RALGPS2: variants seen among roughly 807,000 people sequenced by gnomAD.
The protein encoded by RALGPS2 is Ral GEF with PH domain and SH3 binding motif 2, also known as ras-specific guanine nucleotide-releasing factor RalGPS2.
Under a neutral mutation model 86.8 loss-of-function variants are expected in RALGPS2, and 43 were observed. The observed-to-expected ratio is 0.50, with a 90% CI of 0.39 to 0.64. The LOEUF is 0.64. Ranked by LOEUF, RALGPS2 falls within the 30% of genes least tolerant of loss-of-function variation. RALGPS2 has a pLI of 0.00. For missense variants in RALGPS2, 536 were observed against 694.6 expected (o/e 0.77, Z 2.57); for synonymous variants, 243 against 231.3 (o/e 1.05, Z -0.46).
At chr1:178,896,466 T>TA (rs1659941706) in intron 16 of RALGPS2, among the ~76,000 whole-genome samples, 1 of 147,132 alleles carries the variant, frequency 6.8e-6, no homozygotes, top group African/African-American at 2.7e-5. Context: ...ATTTTTTTTT[T>TA]CTTTTTTTTT....
intron 1 of RALGPS2, chr1:178,747,435 C>CT (rs1196178914): frequency 3.2e-6 from 5 of 1,582,156 alleles, no homozygotes; most frequent in Non-Finnish European, 4.3e-6. Flanking sequence ...AATCCTGTTT[C>CT]TTTAAACAGC....
At chr1:178,837,546 G>A (rs995768328) in intron 8 of RALGPS2, among the ~76,000 whole-genome samples, 3 of 152,288 alleles carry the variant, frequency 2.0e-5, no homozygotes, top group Middle Eastern at 3.4e-3. Context: ...ACAAAAGGCA[G>A]CGGGGAGGGT....
intron 16 of RALGPS2, among the ~76,000 whole-genome samples, chr1:178,896,179 A>G (rs545778702): frequency 2.6e-4 from 40 of 152,194 alleles, no homozygotes; most frequent in Non-Finnish European, 1.9e-4. Context: ...TGCTAAAATT[A>G]CAATCATCAG....
intron 1 of RALGPS2, among the ~76,000 whole-genome samples, chr1:178,748,525 G>A (rs1299953151): frequency 6.6e-6 from 1 of 152,078 alleles, no homozygotes; most frequent in Non-Finnish European, 1.5e-5. Context: ...CAACAACAGG[G>A]ATGAGGTCTC....
intron 4 of RALGPS2, among the ~76,000 whole-genome samples, chr1:178,787,136 A>T (rs943632749): frequency 6.6e-6 from 1 of 151,770 alleles, no homozygotes; most frequent in Non-Finnish European, 1.5e-5. Context: ...AGAAATACTT[A>T]TTTCTTCTCC....
intron 17 of RALGPS2, among the ~76,000 whole-genome samples, chr1:178,898,016 A>G (rs1660020858): frequency 6.6e-6 from 1 of 152,028 alleles, no homozygotes; most frequent in Non-Finnish European, 1.5e-5. Context: ...GTTCAAAACT[A>G]TTGCCTTGGA....
At chr1:178,731,592 A>G (rs551660026) in intron 1 of RALGPS2, among the ~76,000 whole-genome samples, 180 of 152,096 alleles carry the variant, frequency 1.2e-3, no homozygotes, top group Non-Finnish European at 2.1e-3. Context: ...CTGATTTTCT[A>G]GTTTGAAGTG....
At position 178,919,805 on chromosome 1, in the gene RALGPS2, A is replaced by G. The variant is rs1182802765; in HGVS notation, c.*3446A>G. On this transcript the variant is annotated 3_prime_UTR_variant, in exon 20 of 20. Coordinates refer to ENST00000367635, the MANE Select transcript of RALGPS2 (RefSeq NM_152663.5). ...CTTTACAACCAGTGTTTAAACCACCACGTAATCATCTTCTGCAAACAAGGG... is the reference window on the plus strand; with the variant it reads ...CTTTACAACCAGTGTTTAAACCACCGCGTAATCATCTTCTGCAAACAAGGG... 4 of 152,074 alleles carry G rather than the reference A, an allele frequency of 2.6e-5. No homozygotes were observed. The highest frequency in any genetic ancestry group is 4.4e-5 in the Non-Finnish European group (3 of 67,918). The allele number at this position is 152,074 out of a possible 1,614,324, so 9.4% of individuals were successfully genotyped here.
intron 6 of RALGPS2, among the ~76,000 whole-genome samples, chr1:178,817,307 T>A (rs1289001865): frequency 3.7e-5 from 5 of 136,256 alleles, no homozygotes; most frequent in African/African-American, 1.4e-4. Flanking sequence ...ATCACGCCAC[T>A]GCACTCCAGC....
intron 17 of RALGPS2, 66 bp from the exon 18 acceptor site, chr1:178,902,040 C>T: frequency 8.5e-7 from 1 of 1,170,438 alleles, no homozygotes; most frequent in Non-Finnish European, 1.3e-6. Flanking sequence ...CACTCCCTAA[C>T]ACTGAAGTTT....
chr1:178,878,101 G>A (rs576516086), intron 9 of RALGPS2, among the ~76,000 whole-genome samples: 1 of 152,170 alleles, frequency 6.6e-6, no homozygotes, highest in African/African-American at 2.4e-5. Context: ...CTTGAGCCTC[G>A]TGACAATTGA....
At chr1:178,788,914 CT>C (rs1317267555) in intron 4 of RALGPS2, among the ~76,000 whole-genome samples, 1 of 79,898 alleles carries the variant, frequency 1.3e-5, no homozygotes, top group African/African-American at 4.6e-5. Context: ...CTTCTTTTTT[CT>C]TTTTTTTTGA....
chr1:178,803,904 A>G (rs977406032), intron 4 of RALGPS2, among the ~76,000 whole-genome samples: 1 of 152,148 alleles, frequency 6.6e-6, no homozygotes, highest in Non-Finnish European at 1.5e-5. Flanking sequence ...CTTACATCAC[A>G]TGAGTCCAAT....
chr1:178,916,471 T>C lies in RALGPS2; in HGVS notation c.*112T>C. The C allele has an allele frequency of 9.0e-6, 9 of 1,000,622 alleles. No homozygotes were observed. Among genetic ancestry groups the C allele is most frequent in the Non-Finnish European group, 1.3e-5 (9 of 683,734 alleles). 62.0% of individuals were successfully genotyped at this position (1,000,622 alleles called of 1,614,324 possible). Reference sequence around the variant, plus strand: ...TGCCAGGAAGAGCCCAGAGGCTCTGTCTCAGTCGTTGGAGTTCTCAACCAA... The same window carrying C: ...TGCCAGGAAGAGCCCAGAGGCTCTGCCTCAGTCGTTGGAGTTCTCAACCAA... On this transcript the variant is annotated 3_prime_UTR_variant, in exon 20 of 20. Coordinates refer to ENST00000367635, the MANE Select transcript of RALGPS2 (RefSeq NM_152663.5).
At chr1:178,771,791 C>A (rs1483227939) in intron 1 of RALGPS2, among the ~76,000 whole-genome samples, 1 of 152,054 alleles carries the variant, frequency 6.6e-6, no homozygotes, top group Admixed American at 6.5e-5. Context: ...AAGGACTATA[C>A]CTTAAATACT....
intron 13 of RALGPS2, among the ~76,000 whole-genome samples, chr1:178,888,769 CTAAGAGAGACGAGTCTAATGGA>C (rs1379188492): frequency 6.6e-6 from 1 of 152,068 alleles, no homozygotes; most frequent in African/African-American, 2.4e-5. Context: ...TCCATCGTCT[CTAAGAGAGACGAGTCTAATGGA>C]TACCTTACAG....
In RALGPS2 at chr1:178,747,478, A is replaced by G. The variant is rs1036128142; in HGVS notation, c.-84+22059A>G. ...GGTCATCTGTTGGCCAGTACTGTGCACATTTAACCAATTCTTTCTCCATAA... is the reference window on the plus strand; with the variant it reads ...GGTCATCTGTTGGCCAGTACTGTGCGCATTTAACCAATTCTTTCTCCATAA... On this transcript the variant is annotated intron_variant, in intron 1 of 19. Coordinates refer to ENST00000367635, the MANE Select transcript of RALGPS2 (RefSeq NM_152663.5). 36 of 1,605,206 alleles carry G rather than the reference A, an allele frequency of 2.2e-5. No individual in the cohort carries two copies. The Admixed American group carries it at 6.0e-4, about 27-fold the overall frequency.
At chr1:178,789,922 T>C (rs1203939377) in intron 4 of RALGPS2, among the ~76,000 whole-genome samples, 1 of 152,104 alleles carries the variant, frequency 6.6e-6, no homozygotes, top group East Asian at 1.9e-4. Flanking sequence ...ACAGTAACTA[T>C]TGGAAGAAAT....
chr1:178,889,289 T>C (rs1659619769), intron 13 of RALGPS2, among the ~76,000 whole-genome samples: 1 of 152,082 alleles, frequency 6.6e-6, no homozygotes, highest in Non-Finnish European at 1.5e-5. Flanking sequence ...GATTTTATAA[T>C]TATATTGGTC....
Sources: allele counts gnomAD v4.1 joint callset (sites outside exome capture counted in the v4.1 genomes callset), GRCh38; gene constraint gnomAD v4.1.1; transcripts MANE v1.5; gene names NCBI Gene and HGNC (gene_info 2026-07-23, HGNC 2026-07-21).